The following WDR17 variants were observed in gnomAD, a reference collection of about 807,000 sequenced individuals.
WDR17 encodes WD repeat domain 17, also known as WD repeat-containing protein 17.
WDR17 carries 143 observed loss-of-function variants against 161.7 expected under a neutral mutation model. The ratio of observed to expected loss-of-function variants is 0.88; its 90% CI spans 0.77 to 1.02. WDR17 has a LOEUF of 1.02. Ranked by LOEUF, WDR17 falls within the 50% of genes least tolerant of loss-of-function variation. The probability of loss-of-function intolerance (pLI) is 0.00; values close to 1 mark genes in which losing one functional copy is unlikely to be tolerated. For missense variants in WDR17, 1,469 were observed against 1,520.9 expected (o/e 0.97, Z 0.57); for synonymous variants, 517 against 515.6 (o/e 1.00, Z -0.04).
At chr4:176,090,406 T>C (rs1050447288) in intron 1 of WDR17, among the ~76,000 whole-genome samples, 1 of 152,140 alleles carries the variant, frequency 6.6e-6, no homozygotes, top group Non-Finnish European at 1.5e-5. Context: ...TCTGGTGTCA[T>C]GCTTCCTGTA....
chr4:176,167,661 A>ACAACAAC lies in WDR17; in HGVS notation c.2991-1011_2991-1010insCAACAAC, dbSNP rs1554036558. On this transcript the variant is annotated intron_variant, in intron 22 of 28. Coordinates refer to ENST00000508596, the MANE Select transcript of WDR17 (RefSeq NM_181265.4). ...CTCCGTCTCAAAAAAAAAAAAAAAA[A>ACAACAAC]AAAAAAAAAAACAATATCTTGAATT... is the stretch of plus-strand genomic sequence containing the variant. Among the ~76,000 whole-genome samples the ACAACAAC allele has an allele frequency of 4.7e-4, 53 of 113,776 alleles. 2 individuals carry two copies. The highest frequency in any genetic ancestry group is 1.3e-3 in the African/African-American group (41 of 30,816). 74.6% of individuals were successfully genotyped at this position (113,776 alleles called of 152,430 possible).
chr4:176,114,707 GA>G (rs144012963), intron 2 of WDR17, among the ~76,000 whole-genome samples: 2,740 of 151,786 alleles, frequency 0.018, 94 homozygotes, highest in African/African-American at 0.062. Flanking sequence ...TACAGAGGCT[GA>G]AAAAACAGGT....
At chr4:176,169,480 A>T (rs72706353) in intron 23 of WDR17, among the ~76,000 whole-genome samples, 1 of 150,844 alleles carries the variant, frequency 6.6e-6, no homozygotes, top group Non-Finnish European at 1.5e-5. Flanking sequence ...TGCATATGCC[A>T]TATGATTTTG....
At chr4:176,178,679 T>C (rs73005161) in intron 28 of WDR17, among the ~76,000 whole-genome samples, 2 of 152,140 alleles carry the variant, frequency 1.3e-5, no homozygotes, top group African/African-American at 2.4e-5. Flanking sequence ...TGCCTACTAA[T>C]AGGAGCTGTC....
At chr4:176,121,133 A>C (rs1741516068) in intron 4 of WDR17, among the ~76,000 whole-genome samples, 1 of 152,186 alleles carries the variant, frequency 6.6e-6, no homozygotes, top group Non-Finnish European at 1.5e-5. Context: ...ACGTGGGGAC[A>C]GTTTCATTGA....
chr4:176,134,137 A>G (rs1318383851), intron 7 of WDR17, among the ~76,000 whole-genome samples: 1 of 151,432 alleles, frequency 6.6e-6, no homozygotes. Context: ...TCTTTCCTTT[A>G]CCTCCACCTA....
intron 5 of WDR17, 107 bp downstream of exon 5, chr4:176,125,462 G>T: frequency 1.5e-6 from 2 of 1,294,322 alleles, no homozygotes; most frequent in Non-Finnish European, 2.1e-6. Context: ...TGTATTAATA[G>T]CTCAATTATT....
At chr4:176,137,688 C>A in intron 9 of WDR17, 77 bp downstream of exon 9, 1 of 884,470 alleles carries the variant, frequency 1.1e-6, no homozygotes, top group Non-Finnish European at 1.6e-6. Context: ...ATTTTTATTT[C>A]TTAATATAAT....
intron 6 of WDR17, 121 bp downstream of exon 6, chr4:176,128,981 T>C (rs1742936799): frequency 2.4e-6 from 2 of 846,836 alleles, no homozygotes; most frequent in African/African-American, 3.6e-5. Context: ...TAAAAAAGGC[T>C]TTGACAATAT....
chr4:176,120,288 T>TATATATATATATATA (rs1174111501), intron 4 of WDR17, among the ~76,000 whole-genome samples, 191 bp downstream of exon 4: 3 of 136,516 alleles, frequency 2.2e-5, no homozygotes, highest in African/African-American at 8.3e-5. Context: ...ATTTGAAGTT[T>TATATATATATATATA]TATATATATA....
At chr4:176,132,334 A>G (rs958163789) in intron 7 of WDR17, among the ~76,000 whole-genome samples, 1 of 152,106 alleles carries the variant, frequency 6.6e-6, no homozygotes, top group Non-Finnish European at 1.5e-5. Context: ...ATGAATGAAG[A>G]CATGCAATAA....
chr4:176,128,895 A>G (rs1742914552), intron 6 of WDR17, 35 bp downstream of exon 6: 2 of 1,504,406 alleles, frequency 1.3e-6, no homozygotes, highest in Middle Eastern at 2.4e-4. Flanking sequence ...TTAATTTTTA[A>G]AAAATATTGT....
intron 11 of WDR17, 67 bp from the exon 12 acceptor site, chr4:176,145,928 T>G (rs887853476): frequency 7.1e-7 from 1 of 1,400,800 alleles, no homozygotes; most frequent in African/African-American, 1.5e-5. Flanking sequence ...AGAACTATGG[T>G]ATACCTTTAA....
At chr4:176,130,634 A>G (rs1743259455) in intron 6 of WDR17, among the ~76,000 whole-genome samples, 1 of 151,660 alleles carries the variant, frequency 6.6e-6, no homozygotes, top group Non-Finnish European at 1.5e-5. Flanking sequence ...AGTCCCAGCT[A>G]CTGGGGAGGC....
At chr4:176,088,546 A>AT (rs947612464) in intron 1 of WDR17, among the ~76,000 whole-genome samples, 2 of 152,200 alleles carry the variant, frequency 1.3e-5, no homozygotes, top group African/African-American at 2.4e-5. Flanking sequence ...AATCAGAAAT[A>AT]TTTTTCTATG....
chr4:176,162,601 A>G (rs1053559402), intron 21 of WDR17, among the ~76,000 whole-genome samples: 2 of 152,084 alleles, frequency 1.3e-5, no homozygotes, highest in Non-Finnish European at 1.5e-5. Context: ...TCCCTTACCT[A>G]TTTCACATAT....
At chr4:176,141,445 A>G (rs1745239726) in intron 10 of WDR17, among the ~76,000 whole-genome samples, 1 of 152,150 alleles carries the variant, frequency 6.6e-6, no homozygotes, top group African/African-American at 2.4e-5. Flanking sequence ...CTATAAGAAA[A>G]AGCGTTTTTG....
At chr4:176,091,819 C>T (rs1268703348) in intron 1 of WDR17, among the ~76,000 whole-genome samples, 3 of 152,002 alleles carry the variant, frequency 2.0e-5, no homozygotes, top group Non-Finnish European at 4.4e-5. Context: ...TTCAAAGGTT[C>T]ATTGAAAATA....
chr4:176,171,070 G>C (rs987729028), intron 23 of WDR17, among the ~76,000 whole-genome samples: 2 of 152,112 alleles, frequency 1.3e-5, no homozygotes, highest in Non-Finnish European at 2.9e-5. Flanking sequence ...TGTACAAAAA[G>C]TGAAAAACAG....
Sources: gnomAD v4.1 joint callset for allele counts (sites outside exome capture counted in the v4.1 genomes callset) on GRCh38, gnomAD v4.1.1 for gene constraint, MANE v1.5 for transcripts, NCBI Gene and HGNC (gene_info 2026-07-23, HGNC 2026-07-21) for gene names.